RP1: variants seen among roughly 807,000 people sequenced by gnomAD.
RP1 encodes oxygen-regulated protein 1.
RP1 carries 16 observed loss-of-function variants against 14.8 expected under a neutral mutation model. The ratio of observed to expected loss-of-function variants is 1.08; its 90% CI spans 0.73 to 1.65. The LOEUF is 1.65. Ranked by LOEUF, RP1 falls within the 40% of genes most tolerant of loss-of-function variation. The pLI, the probability that RP1 is intolerant of heterozygous loss-of-function variation, is 0.00. For synonymous variants in RP1, 876 were observed against 883.6 expected (o/e 0.99, Z 0.15); for missense variants, 2,631 against 2,535.0 (o/e 1.04, Z -0.81).
intron 3 of RP1, among the ~76,000 whole-genome samples, chr8:54,641,140 T>A (rs1806446914): frequency 6.6e-6 from 1 of 151,932 alleles, no homozygotes; most frequent in Non-Finnish European, 1.5e-5. Context: ...AGAGACGGGG[T>A]TTCACTGTGT....
Position 54,769,615 on chromosome 8 carries a change from A to G in RP1, c.3249-126A>G, listed in dbSNP as rs73679613. ...GTTTGACTATATAAAAAGCAACTTTATAGTTAACATTTAGTGTGCAAAATT... is the reference window on the plus strand; with the variant it reads ...GTTTGACTATATAAAAAGCAACTTTGTAGTTAACATTTAGTGTGCAAAATT... On this transcript the variant is annotated intron_variant, in intron 22 of 22. Coordinates refer to the RP1 transcript ENST00000636932. 8.9e-4 allele frequency: 592 copies of G among 664,432 alleles called. 3 individuals are homozygous for G. In the African/African-American group the frequency reaches 0.01, roughly 11 times the overall value. The allele number at this position is 664,432 out of a possible 1,614,324, so 41.2% of individuals were successfully genotyped here.
chr8:54,639,552 G>C (rs898086188), intron 3 of RP1, among the ~76,000 whole-genome samples: 1 of 152,044 alleles, frequency 6.6e-6, no homozygotes, highest in Non-Finnish European at 1.5e-5. Context: ...GATTCTAGTT[G>C]TTCTGTATTC....
At chr8:54,568,149 A>AG (rs1804445565) in intron 1 of RP1, among the ~76,000 whole-genome samples, 1 of 152,162 alleles carries the variant, frequency 6.6e-6, no homozygotes, top group Non-Finnish European at 1.5e-5. Context: ...GGAAAAGGGG[A>AG]GAAAAAGGGG....
At chr8:54,778,468 G>A (rs1245950651) in intron 23 of RP1, among the ~76,000 whole-genome samples, 2 of 151,850 alleles carry the variant, frequency 1.3e-5, no homozygotes, top group African/African-American at 4.8e-5. Flanking sequence ...GGGACTACAG[G>A]CATGCACCAC....
intron 12 of RP1, among the ~76,000 whole-genome samples, chr8:54,694,114 A>T (rs1387370088): frequency 1.3e-5 from 2 of 152,090 alleles, no homozygotes; most frequent in African/African-American, 2.4e-5. Context: ...TATATGCTGG[A>T]TTACATTTAT....
At chr8:54,845,709 CT>C (rs1407698604) in intron 25 of RP1, among the ~76,000 whole-genome samples, 1 of 152,226 alleles carries the variant, frequency 6.6e-6, no homozygotes, top group African/African-American at 2.4e-5. Flanking sequence ...CTGCTTAAAT[CT>C]AGAAGGAAAA....
intron 1 of RP1, among the ~76,000 whole-genome samples, chr8:54,573,292 G>T (rs984768248): frequency 1.2e-4 from 18 of 148,580 alleles, no homozygotes; most frequent in African/African-American, 4.1e-4. Context: ...CAGAACCAAG[G>T]TGTAAAGTCT....
intron 19 of RP1, chr8:54,754,672 C>T: frequency 1.1e-6 from 1 of 906,338 alleles, no homozygotes; most frequent in Non-Finnish European, 1.5e-6. Flanking sequence ...CTACTACTAA[C>T]AACCATCACC....
chr8:54,753,843 A>G (rs1265517162), intron 19 of RP1, among the ~76,000 whole-genome samples: 1 of 152,230 alleles, frequency 6.6e-6, no homozygotes, highest in Non-Finnish European at 1.5e-5. Flanking sequence ...AACAGCAGAC[A>G]GTGGGTTATG....
At chr8:54,598,815 TGAG>T (rs1805206869) in intron 1 of RP1, among the ~76,000 whole-genome samples, 1 of 152,360 alleles carries the variant, frequency 6.6e-6, no homozygotes, top group Admixed American at 6.5e-5. Context: ...TGACTTTTGA[TGAG>T]AAGTCGGCTG....
At chr8:54,842,142 C>T (rs895384065) in intron 25 of RP1, among the ~76,000 whole-genome samples, 6 of 152,086 alleles carry the variant, frequency 3.9e-5, no homozygotes, top group African/African-American at 1.4e-4. Flanking sequence ...TCACAGTACT[C>T]GTCAATATGT....
exon 21 of RP1, chr8:54,755,735 A>G: frequency 6.5e-7 from 1 of 1,529,394 alleles, no homozygotes; most frequent in Non-Finnish European, 8.7e-7. Context: ...ACAGCTGTAC[A>G]AATCTAACAT....
intron 1 of RP1, among the ~76,000 whole-genome samples, chr8:54,591,211 A>T (rs1805037119): frequency 2.0e-5 from 3 of 152,176 alleles, no homozygotes; most frequent in African/African-American, 7.2e-5. Flanking sequence ...AAAATACCTT[A>T]AAAAAGTACA....
chr8:54,780,182 A>G (rs1282726701), intron 23 of RP1, among the ~76,000 whole-genome samples: 1 of 152,216 alleles, frequency 6.6e-6, no homozygotes, highest in African/African-American at 2.4e-5. Context: ...CCCATGTACA[A>G]TACATAAACA....
chr8:54,746,414 C>T (rs993265571), intron 19 of RP1, among the ~76,000 whole-genome samples: 1 of 152,054 alleles, frequency 6.6e-6, no homozygotes, highest in African/African-American at 2.4e-5. Context: ...GTCTGACTTG[C>T]TATTTCAGCC....
intron 1 of RP1, chr8:54,561,570 A>G (rs943798370): frequency 6.6e-6 from 1 of 152,224 alleles, no homozygotes; most frequent in Non-Finnish European, 1.5e-5. Context: ...TTTGGCAGGC[A>G]TGACTTAACT....
intron 21 of RP1, chr8:54,758,897 T>A: frequency 6.5e-7 from 1 of 1,534,006 alleles, no homozygotes; most frequent in Non-Finnish European, 8.7e-7. Context: ...TTTCTGTGGG[T>A]TTTTTTCTCT....
intron 1 of RP1, among the ~76,000 whole-genome samples, chr8:54,577,254 G>T (rs920417739): frequency 9.2e-5 from 14 of 152,260 alleles, no homozygotes; most frequent in East Asian, 3.9e-4. Flanking sequence ...GACCTCAAGT[G>T]ACCTGCCCAC....
At chr8:54,567,202 CTT>C (rs1238803788) in intron 1 of RP1, among the ~76,000 whole-genome samples, 1 of 152,182 alleles carries the variant, frequency 6.6e-6, no homozygotes, top group Non-Finnish European at 1.5e-5. Context: ...TATTTTGTCT[CTT>C]TTCACCCAAA....
Sources: gnomAD v4.1 joint callset for allele counts (sites outside exome capture counted in the v4.1 genomes callset) on GRCh38, gnomAD v4.1.1 for gene constraint, MANE v1.5 for transcripts, NCBI Gene and HGNC (gene_info 2026-07-23, HGNC 2026-07-21) for gene names.